TNFRSF8: variants seen among roughly 807,000 people sequenced by gnomAD.
TNFRSF8 encodes tumor necrosis factor receptor superfamily member 8.
In TNFRSF8, 26 loss-of-function variants were observed where a neutral mutation model predicts 70.8. That is an observed-to-expected ratio of 0.37 (90% confidence interval 0.27 to 0.51). TNFRSF8 has a LOEUF of 0.51. Among genes scored for constraint, TNFRSF8 ranks in the 20% least tolerant of loss-of-function variants. The pLI, the probability that TNFRSF8 is intolerant of heterozygous loss-of-function variation, is 0.94. For missense variants in TNFRSF8, 720 were observed against 807.9 expected (o/e 0.89, Z 1.32); for synonymous variants, 356 against 339.2 (o/e 1.05, Z -0.54).
intron 1 of TNFRSF8, among the ~76,000 whole-genome samples, chr1:12,081,637 G>A (rs984910313): frequency 1.1e-4 from 16 of 150,462 alleles, no homozygotes; most frequent in Non-Finnish European, 1.9e-4. Flanking sequence ...AAATTAATAT[G>A]GTGACATGTT....
chr1:12,104,617 C>A (rs186520793), intron 4 of TNFRSF8, 86 bp downstream of exon 4: 2 of 1,501,972 alleles, frequency 1.3e-6, no homozygotes, highest in Non-Finnish European at 9.2e-7. Flanking sequence ...TGTTGACTTC[C>A]GACCTCCCGC....
In TNFRSF8 at chr1:12,142,706, C is replaced by T. The variant is rs1642279028; in HGVS notation, c.*175C>T. On this transcript the variant is annotated 3_prime_UTR_variant, in exon 15 of 15. Transcript: ENST00000263932. This position sits in a 1 kb window ranked among gnomAD's most constrained non-coding sequence, Gnocchi z 5.0. Reference sequence around the variant, plus strand: ...GTCTGGTGGTCTCTGCTTGCATCCCCAACTTAGCTGTCCCCTGACCCAGAG... The same window carrying T: ...GTCTGGTGGTCTCTGCTTGCATCCCTAACTTAGCTGTCCCCTGACCCAGAG... The T allele has an allele frequency of 2.4e-6, 2 of 839,058 alleles. No homozygotes were observed. The highest frequency in any genetic ancestry group is 5.4e-5 in the East Asian group (2 of 37,092). 52.0% of individuals were successfully genotyped at this position (839,058 alleles called of 1,614,324 possible).
At chr1:12,077,111 T>C (rs1640979568) in intron 1 of TNFRSF8, among the ~76,000 whole-genome samples, 1 of 152,064 alleles carries the variant, frequency 6.6e-6, no homozygotes, top group Non-Finnish European at 1.5e-5. Flanking sequence ...GAGACGGGTT[T>C]TTCTCCTTTG....
chr1:12,065,173 C>T (rs929053817), intron 1 of TNFRSF8, among the ~76,000 whole-genome samples: 1 of 149,430 alleles, frequency 6.7e-6, no homozygotes, highest in Non-Finnish European at 1.5e-5. Context: ...ACCTCTGCCT[C>T]CCGGATTCAA....
rs549055279 is a variant in TNFRSF8 at position 12,072,626 on chromosome 1, C to T, written c.63+8965C>T. Among the ~76,000 whole-genome samples the T allele has an allele frequency of 3.6e-4, 55 of 152,214 alleles. 1 individual carries two copies. The highest frequency in any genetic ancestry group is 1.3e-3 in the African/African-American group (54 of 41,554). Reference sequence around the variant, plus strand: ...TGGAAGCCCCACCCAGCAGGTTCCCCTTGGGTTCTTGGGTCCTCCAGGGGG... The same window carrying T: ...TGGAAGCCCCACCCAGCAGGTTCCCTTTGGGTTCTTGGGTCCTCCAGGGGG... On this transcript the variant is annotated intron_variant, in intron 1 of 14. Transcript: ENST00000263932.
At chr1:12,065,502 C>T (rs2100936470) in intron 1 of TNFRSF8, among the ~76,000 whole-genome samples, 1 of 152,356 alleles carries the variant, frequency 6.6e-6, no homozygotes, top group East Asian at 1.9e-4. Context: ...GACACCGCCT[C>T]ATCCTGATCC....
intron 12 of TNFRSF8, among the ~76,000 whole-genome samples, 173 bp downstream of exon 12, chr1:12,126,409 T>C (rs1641942038): frequency 6.6e-6 from 1 of 152,192 alleles, no homozygotes. Flanking sequence ...TGAAAACTCA[T>C]GCGTGTGGAG....
chr1:12,134,165 T>C (rs1642103979), intron 12 of TNFRSF8, among the ~76,000 whole-genome samples: 1 of 152,208 alleles, frequency 6.6e-6, no homozygotes, highest in Non-Finnish European at 1.5e-5. Context: ...TGAGCATATC[T>C]GTGAGGACTC....
chr1:12,063,675 G>T lies in TNFRSF8; in HGVS notation c.63+14G>T. 7.9e-7 allele frequency: 1 copy of T among 1,268,778 alleles called. No homozygotes were observed. Among genetic ancestry groups the T allele is most frequent in the East Asian group, 3.2e-5 (1 of 31,734 alleles). The allele number at this position is 1,268,778 out of a possible 1,614,324, so 78.6% of individuals were successfully genotyped here. On this transcript the variant is annotated intron_variant, in intron 1 of 14. Transcript: ENST00000263932. The surrounding 1 kb of genome is among the most constrained non-coding windows in gnomAD (Gnocchi z 7.2). ...GCCTTCCCACAGGTAAGCGGGTGAC[G>T]GGCGCCTGGGGAGGTGCCGGCGGTC...
intron 4 of TNFRSF8, among the ~76,000 whole-genome samples, chr1:12,106,067 T>C (rs1034274713): frequency 2.6e-5 from 4 of 152,124 alleles, no homozygotes; most frequent in African/African-American, 9.7e-5. Context: ...TTGTACATAA[T>C]GTCCAGGGCT....
At chr1:12,079,302 C>T (rs932080939) in intron 1 of TNFRSF8, among the ~76,000 whole-genome samples, 7 of 152,196 alleles carry the variant, frequency 4.6e-5, no homozygotes, top group East Asian at 1.9e-4. Context: ...GGAGGGCCTC[C>T]GGTTGCACAG....
chr1:12,099,426 T>C (rs1002620326), intron 3 of TNFRSF8, among the ~76,000 whole-genome samples: 8 of 152,220 alleles, frequency 5.3e-5, no homozygotes, highest in African/African-American at 1.9e-4. Context: ...ATTACAGGTG[T>C]GAGTCACCAT....
At chr1:12,100,646 C>T (rs186212348) in intron 3 of TNFRSF8, among the ~76,000 whole-genome samples, 6 of 152,196 alleles carry the variant, frequency 3.9e-5, no homozygotes, top group East Asian at 3.9e-4. Context: ...TCAGAATCAC[C>T]GTCTTCCTCC....
Position 12,063,566 on chromosome 1 carries a change from G to T in TNFRSF8, c.-33G>T, listed in dbSNP as rs374177592. 6.8e-4 allele frequency: 886 copies of T among 1,304,398 alleles called. 5 individuals are homozygous for T. The African/African-American group carries it at 0.011, about 17-fold the overall frequency. 80.8% of individuals were successfully genotyped at this position (1,304,398 alleles called of 1,614,324 possible). On this transcript the variant is annotated 5_prime_UTR_variant, in exon 1 of 15. Coordinates refer to ENST00000263932, the MANE Select transcript of TNFRSF8 (RefSeq NM_001243.5). This position sits in a 1 kb window ranked among gnomAD's most constrained non-coding sequence, Gnocchi z 7.2. ...TTCCCCCGCTTCCCAGGTGGGCGCC[G>T]GCCGCCAGGCCACCTCACGTCCGGC...
chr1:12,106,097 A>C (rs1228722039), intron 4 of TNFRSF8, among the ~76,000 whole-genome samples: 3 of 151,940 alleles, frequency 2.0e-5, no homozygotes, highest in African/African-American at 7.2e-5. Flanking sequence ...TCTTGGCGGG[A>C]GGATGAGGGG....
intron 2 of TNFRSF8, among the ~76,000 whole-genome samples, chr1:12,084,894 A>G (rs990828650): frequency 7.9e-5 from 12 of 152,130 alleles, no homozygotes; most frequent in African/African-American, 2.9e-4. Flanking sequence ...ATCCTTTATT[A>G]CACTCAATTT....
Position 12,141,476 on chromosome 1 carries a change from T to G in TNFRSF8, c.1544-811T>G, listed in dbSNP as rs530992405. Among the ~76,000 whole-genome samples, 15 of 152,386 alleles carry G rather than the reference T, an allele frequency of 9.8e-5. No homozygotes were observed. The East Asian group carries it at 2.7e-3, about 27-fold the overall frequency. On this transcript the variant is annotated intron_variant, in intron 14 of 14. Coordinates refer to ENST00000263932, the MANE Select transcript of TNFRSF8 (RefSeq NM_001243.5). The surrounding 1 kb of genome is among the most constrained non-coding windows in gnomAD (Gnocchi z 5.4). ...GCCCTCCGTCCAAGCTCCCACCATGTGCTCACAGCACAGCCATGCACGCTG... is the reference window on the plus strand; with the variant it reads ...GCCCTCCGTCCAAGCTCCCACCATGGGCTCACAGCACAGCCATGCACGCTG...
Position 12,138,361 on chromosome 1 carries a change from C to G in TNFRSF8, c.1468C>G (p.Pro490Ala). ...GAGCCTGCCGCTGCAGGATGCCAGC[C>G]CGGCCGGGGGCCCCTCGTCCCCCAG... ...LESLPLQDAS[P>A]AGGPSSPRDL... Residue 490 changes from proline (P) to alanine (A), a missense_variant, in exon 14 of 15, where the codon CCG (proline) becomes GCG (alanine). Transcript: ENST00000263932. This position sits in a 1 kb window ranked among gnomAD's most constrained non-coding sequence, Gnocchi z 5.7. The G allele has an allele frequency of 1.9e-6, 3 of 1,613,696 alleles. No homozygotes were observed. The highest frequency in any genetic ancestry group is 2.5e-6 in the Non-Finnish European group (3 of 1,179,898).
rs1641568405 is a variant in TNFRSF8 at position 12,108,465 on chromosome 1, GC to G, written c.422-1100del. ...TACCATATGTCATGCAATGTGATGG[GC>G]ACCTCACGTGCACTCTTCTGTTTAT... On this transcript the variant is annotated intron_variant, in intron 4 of 14. Transcript: ENST00000263932. The surrounding 1 kb of genome is among the most constrained non-coding windows in gnomAD (Gnocchi z 4.0). 1.3e-5 allele frequency among the ~76,000 whole-genome samples: 2 copies of G among 152,198 alleles called. No homozygotes were observed. Among genetic ancestry groups the G allele is most frequent in the Non-Finnish European group, 2.9e-5 (2 of 68,028 alleles).
Sources: gnomAD v4.1 joint callset for allele counts (sites outside exome capture counted in the v4.1 genomes callset) on GRCh38, gnomAD v4.1.1 for gene constraint, Gnocchi (gnomAD v3.1) non-coding constraint, MANE v1.5 for transcripts, NCBI Gene and HGNC (gene_info 2026-07-23, HGNC 2026-07-21) for gene names.